Variants in USP10 observed in about 807,000 individuals in gnomAD.
USP10 encodes the protein ubiquitin carboxyl-terminal hydrolase 10.
USP10 carries 22 observed loss-of-function variants against 84.5 expected under a neutral mutation model. The ratio of observed to expected loss-of-function variants is 0.26; its 90% CI spans 0.19 to 0.37. The LOEUF is 0.37. Among genes scored for constraint, USP10 ranks in the 10% least tolerant of loss-of-function variants. The pLI, the probability that USP10 is intolerant of heterozygous loss-of-function variation, is 1.00. For missense variants in USP10, 1,019 were observed against 998.9 expected (o/e 1.02, Z -0.27); for synonymous variants, 454 against 387.6 (o/e 1.17, Z -2.01).
Position 84,740,438 on chromosome 16 carries a change from G to A in USP10, c.151+69G>A, listed in dbSNP as rs577619127. The A allele has an allele frequency of 2.6e-5, 33 of 1,257,866 alleles. No individual in the cohort carries two copies. The Admixed American group carries it at 3.4e-4, about 13-fold the overall frequency. 77.9% of individuals were successfully genotyped at this position (1,257,866 alleles called of 1,614,324 possible). A position where few individuals can be genotyped will look rare whatever the true frequency, so the allele number is the denominator to read the frequency against. On this transcript the variant is annotated intron_variant, in intron 3 of 13. Transcript: ENST00000219473. ...TACGTGCTGGGTGGGCAGGCTACCTGTAAACATTGTTTCCCATTTGAATAA... is the reference window on the plus strand; with the variant it reads ...TACGTGCTGGGTGGGCAGGCTACCTATAAACATTGTTTCCCATTTGAATAA...
chr16:84,779,157 T>C lies in USP10; in HGVS notation c.*75T>C, dbSNP rs781745579. 17 of 1,512,992 alleles carry C rather than the reference T, an allele frequency of 1.1e-5. No homozygotes were observed. The Middle Eastern group carries it at 5.3e-4, about 48-fold the overall frequency. The allele number at this position is 1,512,992 out of a possible 1,614,324, so 93.7% of individuals were successfully genotyped here. ...CCTCACACTCACTTCCCGCCTCTCT[T>C]TAGTGGCTCTTTAGAGAGAAACTCT... On this transcript the variant is annotated 3_prime_UTR_variant, in exon 14 of 14. Coordinates refer to ENST00000219473, the MANE Select transcript of USP10 (RefSeq NM_005153.3).
intron 2 of USP10, among the ~76,000 whole-genome samples, chr16:84,738,849 G>C (rs1337845015): frequency 6.6e-6 from 1 of 152,144 alleles, no homozygotes; most frequent in Non-Finnish European, 1.5e-5. Context: ...AGCTGAGGAA[G>C]CCAATCAAGC....
chr16:84,758,732 A>C lies in USP10; in HGVS notation c.1209A>C (p.Val403=). The C allele has an allele frequency of 6.2e-7, 1 of 1,613,126 alleles. No individual in the cohort carries two copies. Among genetic ancestry groups the C allele is most frequent in the East Asian group, 2.2e-5 (1 of 44,892 alleles). ...CTCTTTCAGAGTTGCTGGAGAATGT[A>C]ACCCTAATCCATAAACCAGTGTCGT... ...AIKIAELLEN[V]TLIHKPVSLQ... The change falls in exon 5 of 14, where the codon GTA becomes GTC. Residue 403 remains valine, a synonymous_variant. Transcript: ENST00000219473.
intron 4 of USP10, among the ~76,000 whole-genome samples, chr16:84,748,731 C>T (rs767873085): frequency 6.6e-6 from 1 of 152,158 alleles, no homozygotes; most frequent in Non-Finnish European, 1.5e-5. Context: ...GAACATTCTA[C>T]TTAGTCATAT....
At chr16:84,766,301 C>G (rs1476331567) in intron 10 of USP10, among the ~76,000 whole-genome samples, 1 of 152,240 alleles carries the variant, frequency 6.6e-6, no homozygotes, top group African/African-American at 2.4e-5. Context: ...GAGCTCTATT[C>G]CACTGGCCCC....
At chr16:84,731,830 G>C (rs1475565702) in intron 1 of USP10, among the ~76,000 whole-genome samples, 1 of 151,512 alleles carries the variant, frequency 6.6e-6, no homozygotes, top group Non-Finnish European at 1.5e-5. Flanking sequence ...TTAGCCTATA[G>C]AATTTTCCCT....
chr16:84,725,303 C>T (rs1290320316), intron 1 of USP10, among the ~76,000 whole-genome samples: 1 of 152,216 alleles, frequency 6.6e-6, no homozygotes, highest in Non-Finnish European at 1.5e-5. Flanking sequence ...ATTTATGGCT[C>T]TTTGTGTGTG....
intron 4 of USP10, among the ~76,000 whole-genome samples, chr16:84,747,525 GC>G (rs1911375111): frequency 6.8e-6 from 1 of 146,858 alleles, no homozygotes; most frequent in African/African-American, 2.5e-5. Flanking sequence ...GTTATTTTGG[GC>G]TTCATATATA....
At chr16:84,723,303 CTT>C (rs1384729094) in intron 1 of USP10, among the ~76,000 whole-genome samples, 1 of 152,062 alleles carries the variant, frequency 6.6e-6, no homozygotes, top group Non-Finnish European at 1.5e-5. Context: ...GCTTAATTCA[CTT>C]ACGTTGAATA....
chr16:84,779,193 G>A lies in USP10; in HGVS notation c.*111G>A. 7.7e-7 allele frequency: 1 copy of A among 1,293,666 alleles called. No individual in the cohort carries two copies. The highest frequency in any genetic ancestry group is 1.6e-5 in the South Asian group (1 of 63,990). 80.1% of individuals were successfully genotyped at this position (1,293,666 alleles called of 1,614,324 possible). A position where few individuals can be genotyped will look rare whatever the true frequency, so the allele number is the denominator to read the frequency against. On this transcript the variant is annotated 3_prime_UTR_variant, in exon 14 of 14. Transcript: ENST00000219473. ...TTAGAGAGAAACTCTTTCTCCCTTT[G>A]CAAAAATGGGCTAGAATGAAAAGGA...
At chr16:84,703,364 A>G (rs1905125092) in intron 1 of USP10, among the ~76,000 whole-genome samples, 1 of 152,200 alleles carries the variant, frequency 6.6e-6, no homozygotes, top group South Asian at 2.1e-4. Flanking sequence ...ACCCAATTTG[A>G]ATGTCATGCA....
intron 1 of USP10, among the ~76,000 whole-genome samples, chr16:84,728,893 G>T (rs1244875862): frequency 1.3e-5 from 2 of 151,982 alleles, no homozygotes; most frequent in Non-Finnish European, 1.5e-5. Flanking sequence ...CCGCCTTCCA[G>T]GTTCACGTAA....
chr16:84,752,796 T>G (rs1912088335), intron 4 of USP10, among the ~76,000 whole-genome samples: 1 of 152,220 alleles, frequency 6.6e-6, no homozygotes, highest in Non-Finnish European at 1.5e-5. Context: ...AGTTGATGGT[T>G]ATCGAAATGA....
chr16:84,713,532 A>T (rs532356996), intron 1 of USP10, among the ~76,000 whole-genome samples: 2 of 152,114 alleles, frequency 1.3e-5, no homozygotes, highest in Non-Finnish European at 2.9e-5. Context: ...TGAGGCCCCA[A>T]TGTAAGCTCC....
intron 1 of USP10, among the ~76,000 whole-genome samples, chr16:84,725,910 A>G (rs1243830855): frequency 1.3e-5 from 2 of 152,184 alleles, no homozygotes; most frequent in Non-Finnish European, 2.9e-5. Flanking sequence ...AAGAGGGAGA[A>G]TACTTTATAC....
intron 4 of USP10, among the ~76,000 whole-genome samples, chr16:84,749,394 C>G (rs1222948656): frequency 1.3e-5 from 2 of 152,112 alleles, no homozygotes; most frequent in African/African-American, 4.8e-5. Flanking sequence ...CTAACTGTTT[C>G]TACTGAGACA....
chr16:84,716,883 T>C (rs561728461), intron 1 of USP10, among the ~76,000 whole-genome samples: 1 of 152,338 alleles, frequency 6.6e-6, no homozygotes, highest in African/African-American at 2.4e-5. Context: ...CACTCTGAGA[T>C]ATGCCTCTAA....
chr16:84,735,196 G>GGTGTGTGT (rs34240400), intron 2 of USP10, among the ~76,000 whole-genome samples: 108 of 146,366 alleles, frequency 7.4e-4, no homozygotes, highest in Admixed American at 1.4e-3. Context: ...AGGCCCGGGT[G>GGTGTGTGT]GTGTGTGTGT....
chr16:84,749,920 CTG>C (rs2150831659), intron 4 of USP10, among the ~76,000 whole-genome samples: 1 of 152,130 alleles, frequency 6.6e-6, no homozygotes, highest in Admixed American at 6.5e-5. Flanking sequence ...CAAGTGTGAA[CTG>C]TTATTTGAAA....
Sources: allele counts gnomAD v4.1 joint callset (sites outside exome capture counted in the v4.1 genomes callset), GRCh38; gene constraint gnomAD v4.1.1; transcripts MANE v1.5; gene names NCBI Gene and HGNC (gene_info 2026-07-23, HGNC 2026-07-21).